TMEM114: variants seen among roughly 807,000 people sequenced by gnomAD.
TMEM114 encodes transmembrane protein 114.
TMEM114 carries 6 observed loss-of-function variants against 6.2 expected under a neutral mutation model. That is an observed-to-expected ratio of 0.97 (90% CI 0.53 to 1.91). TMEM114 has a LOEUF of 1.91. Among genes scored for constraint, TMEM114 ranks in the 40% most tolerant of loss-of-function variants. The pLI is 0.01. For missense variants in TMEM114, 218 were observed against 158.3 expected, an observed-to-expected ratio of 1.38 and a Z score of -2.02; for synonymous variants, 104 against 73.0, an observed-to-expected ratio of 1.42 and a Z score of -2.16.
intron 2 of TMEM114, among the ~76,000 whole-genome samples, chr16:8,562,643 AG>A (rs1232163304): frequency 4.6e-5 from 7 of 151,896 alleles, no homozygotes; most frequent in Non-Finnish European, 8.8e-5. Context: ...TCAGTCAGTA[AG>A]TGAATGAATG....
intron 2 of TMEM114, among the ~76,000 whole-genome samples, chr16:8,541,395 C>T (rs371254366): frequency 3.3e-5 from 5 of 152,016 alleles, no homozygotes; most frequent in Non-Finnish European, 7.4e-5. Context: ...CCTCCCCAAG[C>T]ACTACTGGAT....
At chr16:8,540,821 AT>A (rs1186570900) in intron 2 of TMEM114, among the ~76,000 whole-genome samples, 3 of 152,230 alleles carry the variant, frequency 2.0e-5, no homozygotes, top group African/African-American at 7.2e-5. Context: ...CAGAAGAGAG[AT>A]GTAGGATGTT....
At chr16:8,537,980 G>T (rs370452240) in intron 2 of TMEM114, among the ~76,000 whole-genome samples, 37 of 152,102 alleles carry the variant, frequency 2.4e-4, no homozygotes, top group African/African-American at 8.9e-4. Flanking sequence ...CATGGCAGGG[G>T]TGGGTGGGGG....
intron 2 of TMEM114, among the ~76,000 whole-genome samples, chr16:8,588,201 C>T (rs1902374139): frequency 1.3e-5 from 2 of 150,734 alleles, no homozygotes; most frequent in African/African-American, 4.9e-5. Flanking sequence ...ACAGGAGAAT[C>T]GCTTGAACCT....
the TMEM114 span, among the ~76,000 whole-genome samples, chr16:8,527,024 A>T: frequency 2.0e-5 from 3 of 152,202 alleles, no homozygotes; most frequent in Admixed American, 1.3e-4. Flanking sequence ...CCTGGCCAAC[A>T]TGGGGAAACC....
chr16:8,552,767 C>A (rs1306964656), intron 2 of TMEM114, among the ~76,000 whole-genome samples: 2 of 151,850 alleles, frequency 1.3e-5, no homozygotes, highest in African/African-American at 4.8e-5. Flanking sequence ...AATTCTCTAA[C>A]TCAGGGACCC....
chr16:8,556,415 T>G (rs1253027600), intron 2 of TMEM114, among the ~76,000 whole-genome samples: 1 of 152,220 alleles, frequency 6.6e-6, no homozygotes, highest in Non-Finnish European at 1.5e-5. Flanking sequence ...GATGAAAATG[T>G]TCTAGAACTA....
chr16:8,564,250 T>TTA (rs2141675302), intron 2 of TMEM114, among the ~76,000 whole-genome samples: 1 of 9,628 alleles, frequency 1.0e-4, no homozygotes, highest in East Asian at 2.9e-3. Flanking sequence ...AATGAGTGAG[T>TTA]GAGTGAATGA....
chr16:8,561,750 T>C (rs1901209456), intron 2 of TMEM114, among the ~76,000 whole-genome samples: 1 of 151,810 alleles, frequency 6.6e-6, no homozygotes, highest in Non-Finnish European at 1.5e-5. Context: ...AGTGGGGGAA[T>C]GAATGAATGA....
At chr16:8,564,174 TGAG>T (rs1901421264) in intron 2 of TMEM114, among the ~76,000 whole-genome samples, 2 of 150,958 alleles carry the variant, frequency 1.3e-5, no homozygotes, top group South Asian at 4.2e-4. Flanking sequence ...AGTGAGTAAA[TGAG>T]TGAGTGAGTG....
intron 2 of TMEM114, among the ~76,000 whole-genome samples, chr16:8,557,158 G>C (rs1567199737): frequency 6.6e-6 from 1 of 152,164 alleles, no homozygotes; most frequent in Non-Finnish European, 1.5e-5. Flanking sequence ...TTCTCCCAGG[G>C]AGGTTGAGGT....
rs1178616433 is a variant in TMEM114 at position 8,590,285 on chromosome 16, A to T, written c.-447T>A. The T allele has an allele frequency of 3.2e-5, 5 of 157,298 alleles. No homozygotes were observed. Among genetic ancestry groups the T allele is most frequent in the Non-Finnish European group, 6.8e-5 (5 of 73,230 alleles). The allele number at this position is 157,298 out of a possible 1,614,324, so 9.7% of individuals were successfully genotyped here. On this transcript the variant is annotated 5_prime_UTR_variant, in exon 1 of 4. Coordinates refer to ENST00000620492, the MANE Select transcript of TMEM114 (RefSeq NM_001146336.2). ...AAATCCTCACTTTCCCCAGACTCCT[A>T]CTCCCTCCATTCCCCTGCCTCACTC...
At chr16:8,545,459 A>G (rs1244055881) in intron 2 of TMEM114, among the ~76,000 whole-genome samples, 5 of 152,232 alleles carry the variant, frequency 3.3e-5, no homozygotes, top group African/African-American at 1.2e-4. Context: ...CATCATCATC[A>G]TCATCACCAT....
chr16:8,570,211 C>G (rs1901685901), intron 3 of TMEM114, among the ~76,000 whole-genome samples: 2 of 152,244 alleles, frequency 1.3e-5, no homozygotes, highest in African/African-American at 4.8e-5. Context: ...ACCCTTCCCA[C>G]ACATGGCAGC....
At chr16:8,531,367 A>T in the TMEM114 span, among the ~76,000 whole-genome samples, 1 of 152,232 alleles carries the variant, frequency 6.6e-6, no homozygotes, top group Non-Finnish European at 1.5e-5. Context: ...CACATAACTT[A>T]TCCCATTCCA....
chr16:8,545,713 G>GTGAGCTATCT (rs1203417585), intron 2 of TMEM114, among the ~76,000 whole-genome samples: 2 of 152,192 alleles, frequency 1.3e-5, no homozygotes, highest in African/African-American at 4.8e-5. Context: ...TTGAGAATCA[G>GTGAGCTATCT]TGAGCTATCT....
chr16:8,570,112 G>A (rs1348441533), intron 3 of TMEM114, 107 bp from the exon 4 acceptor site: 9 of 1,392,612 alleles, frequency 6.5e-6, no homozygotes, highest in Admixed American at 4.8e-5. Flanking sequence ...CAGCGTCCTC[G>A]CTCCTTCCTG....
intron 2 of TMEM114, among the ~76,000 whole-genome samples, chr16:8,588,477 C>T (rs1324709651): frequency 6.6e-6 from 1 of 152,188 alleles, no homozygotes; most frequent in African/African-American, 2.4e-5. Flanking sequence ...AAGCAGTTCG[C>T]TCCACGTCTG....
chr16:8,579,933 T>G, intron 2 of TMEM114, among the ~76,000 whole-genome samples: 1 of 150,834 alleles, frequency 6.6e-6, no homozygotes, highest in African/African-American at 2.4e-5. Flanking sequence ...TGGGGAGAGG[T>G]CTCAGCTGAG....
Sources: allele counts gnomAD v4.1 joint callset (sites outside exome capture counted in the v4.1 genomes callset), GRCh38; gene constraint gnomAD v4.1.1; transcripts MANE v1.5; gene names NCBI Gene and HGNC (gene_info 2026-07-23, HGNC 2026-07-21).